The following SNTB1 variants were observed in gnomAD, a reference collection of about 807,000 sequenced individuals.
SNTB1 encodes beta-1-syntrophin.
A neutral mutation model predicts 48.9 loss-of-function variants in SNTB1; 36 were observed. The observed-to-expected ratio is 0.74, with a 90% CI of 0.56 to 0.97. The LOEUF (loss-of-function observed/expected upper bound fraction) is 0.97, where lower values mean the gene tolerates loss of function less well. SNTB1 is among the 50% of genes least tolerant of loss of function. The probability of loss-of-function intolerance (pLI) is 0.00; values close to 1 mark genes in which losing one functional copy is unlikely to be tolerated. For synonymous variants in SNTB1, 299 were observed against 294.6 expected (o/e 1.01, Z -0.15); for missense variants, 786 against 703.4 (o/e 1.12, Z -1.33).
At chr8:120,638,397 C>CT (rs929155638) in intron 2 of SNTB1, among the ~76,000 whole-genome samples, 22 of 148,882 alleles carry the variant, frequency 1.5e-4, no homozygotes, top group South Asian at 4.3e-4. Context: ...TGAGTATTTT[C>CT]TTTTTTTTTT....
intron 3 of SNTB1, among the ~76,000 whole-genome samples, chr8:120,607,574 A>G (rs1428083300): frequency 6.6e-6 from 1 of 152,208 alleles, no homozygotes; most frequent in Non-Finnish European, 1.5e-5. Flanking sequence ...CATTCCAGCA[A>G]TGAAAGACTT....
intron 2 of SNTB1, among the ~76,000 whole-genome samples, chr8:120,692,505 G>A (rs1166260839): frequency 6.6e-6 from 1 of 152,108 alleles, no homozygotes; most frequent in African/African-American, 2.4e-5. Flanking sequence ...TAAAATATAT[G>A]TTTTCTCTTC....
At chr8:120,739,335 C>A (rs564456298) in intron 1 of SNTB1, among the ~76,000 whole-genome samples, 9 of 152,290 alleles carry the variant, frequency 5.9e-5, no homozygotes, top group African/African-American at 1.9e-4. Flanking sequence ...TTATTTGAGC[C>A]TTTCTGTGGA....
intron 3 of SNTB1, among the ~76,000 whole-genome samples, chr8:120,596,659 A>G (rs1816331205): frequency 6.6e-6 from 1 of 152,154 alleles, no homozygotes; most frequent in South Asian, 2.1e-4. Flanking sequence ...GGCCATTCCC[A>G]GTTTCTAGAG....
chr8:120,581,073 A>C, intron 3 of SNTB1, among the ~76,000 whole-genome samples: 1 of 142,640 alleles, frequency 7.0e-6, no homozygotes. Flanking sequence ...TGGGCAACAG[A>C]GTGAGACCCT....
intron 1 of SNTB1, among the ~76,000 whole-genome samples, chr8:120,754,390 T>C (rs1279901842): frequency 6.6e-6 from 1 of 152,008 alleles, no homozygotes; most frequent in Non-Finnish European, 1.5e-5. Context: ...TACCAGCTCC[T>C]GGGGAGGCTG....
intron 3 of SNTB1, among the ~76,000 whole-genome samples, chr8:120,583,600 C>T (rs375140692): frequency 6.6e-6 from 1 of 151,310 alleles, no homozygotes; most frequent in South Asian, 2.1e-4. Context: ...GAAACTGAAT[C>T]GGTAGTTTAA....
chr8:120,748,758 T>C (rs1819165671), intron 1 of SNTB1, among the ~76,000 whole-genome samples: 1 of 152,318 alleles, frequency 6.6e-6, no homozygotes, highest in South Asian at 2.1e-4. Flanking sequence ...TTTTATTGTG[T>C]AGGGCAGCAT....
intron 1 of SNTB1, chr8:120,765,683 C>T (rs1314151730): frequency 6.6e-6 from 1 of 152,124 alleles, no homozygotes; most frequent in Non-Finnish European, 1.5e-5. Flanking sequence ...AGGATGAAGC[C>T]CTCATGACCT....
At chr8:120,737,502 G>A (rs1198178409) in intron 1 of SNTB1, among the ~76,000 whole-genome samples, 1 of 152,124 alleles carries the variant, frequency 6.6e-6, no homozygotes, top group Non-Finnish European at 1.5e-5. Flanking sequence ...GTCCAACTCT[G>A]ACATATCTTA....
At chr8:120,577,347 C>T (rs1815967336) in intron 3 of SNTB1, among the ~76,000 whole-genome samples, 1 of 152,158 alleles carries the variant, frequency 6.6e-6, no homozygotes, top group Non-Finnish European at 1.5e-5. Flanking sequence ...ATTTTAAAAG[C>T]TAGCTTTAGC....
rs539487165 is a variant in SNTB1 at position 120,789,555 on chromosome 8, G to A, written c.571+21718C>T. 5.3e-5 allele frequency among the ~76,000 whole-genome samples: 8 copies of A among 151,850 alleles called. No individual in the cohort carries two copies. The South Asian group carries it at 8.3e-4, about 16-fold the overall frequency. On this transcript the variant is annotated intron_variant, in intron 1 of 6. Coordinates refer to ENST00000517992, the MANE Select transcript of SNTB1 (RefSeq NM_021021.4). ...TTAGAAGGGAAAATGGAGACATTACGACTGACACTACAGAAATACAGAAGA... is the reference window on the plus strand; with the variant it reads ...TTAGAAGGGAAAATGGAGACATTACAACTGACACTACAGAAATACAGAAGA...
intron 1 of SNTB1, among the ~76,000 whole-genome samples, chr8:120,803,831 C>T (rs1299215799): frequency 6.6e-6 from 1 of 152,154 alleles, no homozygotes; most frequent in East Asian, 1.9e-4. Context: ...GTTTTCATCT[C>T]CTCAGGTAGA....
chr8:120,622,045 G>C (rs1180927992), intron 3 of SNTB1, among the ~76,000 whole-genome samples: 1 of 152,190 alleles, frequency 6.6e-6, no homozygotes, highest in African/African-American at 2.4e-5. Context: ...CTATTCCCCA[G>C]ACACTGTCTA....
intron 3 of SNTB1, among the ~76,000 whole-genome samples, chr8:120,577,098 A>G (rs897187104): frequency 1.1e-4 from 16 of 152,222 alleles, no homozygotes; most frequent in African/African-American, 3.6e-4. Context: ...AAGACAAGCC[A>G]AAAATAAGCT....
intron 4 of SNTB1, among the ~76,000 whole-genome samples, chr8:120,557,644 T>G (rs1469828336): frequency 6.6e-6 from 1 of 152,194 alleles, no homozygotes. Context: ...CCACACATCA[T>G]TATCAATCCA....
intron 1 of SNTB1, among the ~76,000 whole-genome samples, chr8:120,723,419 AT>A (rs545295759): frequency 4.7e-4 from 72 of 152,340 alleles, no homozygotes; most frequent in African/African-American, 1.5e-3. Flanking sequence ...AATTAAAATT[AT>A]TTTTTGAAGG....
chr8:120,650,545 T>C (rs1276261984), intron 2 of SNTB1, among the ~76,000 whole-genome samples: 1 of 152,142 alleles, frequency 6.6e-6, no homozygotes, highest in Non-Finnish European at 1.5e-5. Context: ...CAATGAGCTC[T>C]ACTAGCTAAG....
intron 1 of SNTB1, among the ~76,000 whole-genome samples, chr8:120,736,789 G>C (rs12544827): frequency 0.13 from 19,988 of 152,092 alleles, 1,714 homozygotes; most frequent in African/African-American, 0.24. Context: ...TCCCACAGCC[G>C]TTTTGATTAC....
Sources: allele counts gnomAD v4.1 joint callset (sites outside exome capture counted in the v4.1 genomes callset), GRCh38; gene constraint gnomAD v4.1.1; transcripts MANE v1.5; gene names NCBI Gene and HGNC (gene_info 2026-07-23, HGNC 2026-07-21).